The following ROBO1 variants were observed in gnomAD, a reference collection of about 807,000 sequenced individuals.
ROBO1 encodes the protein roundabout guidance receptor 1.
Under a neutral mutation model 195.9 loss-of-function variants are expected in ROBO1, and 149 were observed. The observed-to-expected ratio is 0.76, with a 90% CI of 0.67 to 0.87. The LOEUF (loss-of-function observed/expected upper bound fraction) is 0.87, where lower values mean the gene tolerates loss of function less well. ROBO1 is among the 40% of genes least tolerant of loss of function. ROBO1 has a pLI of 0.00. For missense variants in ROBO1, 1,933 were observed against 2,068.3 expected (o/e 0.93, Z 1.27); for synonymous variants, 816 against 733.2 (o/e 1.11, Z -1.82).
At chr3:78,802,260 T>G (rs573274946) in intron 4 of ROBO1, among the ~76,000 whole-genome samples, 1 of 152,244 alleles carries the variant, frequency 6.6e-6, no homozygotes, top group East Asian at 1.9e-4. Flanking sequence ...CAAACTAATT[T>G]TACAATCTCT....
intron 1 of ROBO1, among the ~76,000 whole-genome samples, chr3:79,659,262 T>A (rs1946259472): frequency 6.6e-6 from 1 of 152,080 alleles, no homozygotes. Context: ...ATGAAATACA[T>A]TTTATCACAC....
chr3:79,342,789 C>T (rs2034960658), intron 2 of ROBO1, among the ~76,000 whole-genome samples: 1 of 152,078 alleles, frequency 6.6e-6, no homozygotes, highest in Non-Finnish European at 1.5e-5. Context: ...GTATAGCTTT[C>T]CCCAGTATCA....
At chr3:78,799,751 G>C (rs2084307409) in intron 4 of ROBO1, among the ~76,000 whole-genome samples, 2 of 152,054 alleles carry the variant, frequency 1.3e-5, no homozygotes, top group Admixed American at 6.6e-5. Flanking sequence ...TCTATGATTG[G>C]ATTATCATTT....
At position 79,530,848 on chromosome 3, in the gene ROBO1, T is replaced by C. The variant is rs184377078; in HGVS notation, c.88+58976A>G. ...AGTGTTCTTAGAATAAAGATGGAAGTCCCTTAAATGACTTACTTATAAGAC... is the reference window on the plus strand; with the variant it reads ...AGTGTTCTTAGAATAAAGATGGAAGCCCCTTAAATGACTTACTTATAAGAC... On this transcript the variant is annotated intron_variant, in intron 2 of 30. Transcript: ENST00000464233. 2.0e-3 allele frequency among the ~76,000 whole-genome samples: 303 copies of C among 148,520 alleles called. 4 individuals are homozygous for C. Among genetic ancestry groups the C allele is most frequent in the Admixed American group, 0.018 (271 of 14,876 alleles).
chr3:78,896,571 C>T (rs2037242578), intron 4 of ROBO1, among the ~76,000 whole-genome samples: 1 of 145,230 alleles, frequency 6.9e-6, no homozygotes, highest in Non-Finnish European at 1.5e-5. Flanking sequence ...CCTATAAGAA[C>T]TAACGATAAT....
intron 3 of ROBO1, among the ~76,000 whole-genome samples, chr3:78,992,670 A>G (rs916832436): frequency 1.3e-5 from 2 of 152,200 alleles, no homozygotes; most frequent in Non-Finnish European, 2.9e-5. Context: ...TTTAAACAGA[A>G]TACAAATACC....
intron 1 of ROBO1, among the ~76,000 whole-genome samples, chr3:79,727,956 C>T (rs1452464940): frequency 6.6e-6 from 1 of 152,034 alleles, no homozygotes; most frequent in Non-Finnish European, 1.5e-5. Flanking sequence ...TTATTTTAAA[C>T]ATATTTTTAA....
chr3:79,551,834 A>G (rs574246997), intron 2 of ROBO1, among the ~76,000 whole-genome samples: 5 of 152,118 alleles, frequency 3.3e-5, no homozygotes, highest in East Asian at 1.9e-4. Flanking sequence ...CTTCAGGCAC[A>G]TAAGGTAGAA....
chr3:78,777,834 C>G (rs1269382066), intron 4 of ROBO1, among the ~76,000 whole-genome samples: 1 of 152,122 alleles, frequency 6.6e-6, no homozygotes, highest in Non-Finnish European at 1.5e-5. Context: ...ATTTCTTTCT[C>G]TTGCCTGATT....
At chr3:78,608,610 G>A (rs1326356293) in intron 28 of ROBO1, among the ~76,000 whole-genome samples, 1 of 152,116 alleles carries the variant, frequency 6.6e-6, no homozygotes, top group Non-Finnish European at 1.5e-5. Context: ...GCTGCAGTAT[G>A]GGGAATGTAT....
intron 2 of ROBO1, among the ~76,000 whole-genome samples, chr3:79,563,350 C>T (rs1014075863): frequency 1.3e-5 from 2 of 151,948 alleles, no homozygotes; most frequent in African/African-American, 4.8e-5. Flanking sequence ...TCAGAAACAC[C>T]CCATAAAAGC....
At chr3:79,346,426 A>ATGTC (rs2035122835) in intron 2 of ROBO1, among the ~76,000 whole-genome samples, 1 of 152,160 alleles carries the variant, frequency 6.6e-6, no homozygotes, top group South Asian at 2.1e-4. Flanking sequence ...TTGTAGAATT[A>ATGTC]TGTCTGTCTT....
At chr3:79,509,726 C>T (rs1389042993) in intron 2 of ROBO1, among the ~76,000 whole-genome samples, 1 of 152,140 alleles carries the variant, frequency 6.6e-6, no homozygotes, top group Admixed American at 6.6e-5. Context: ...AAAGGTACTG[C>T]AGCTTCATGA....
chr3:79,638,565 C>A (rs1452946895), intron 1 of ROBO1, among the ~76,000 whole-genome samples: 1 of 152,030 alleles, frequency 6.6e-6, no homozygotes, highest in African/African-American at 2.4e-5. Flanking sequence ...CAGACGTGAG[C>A]CACCGTGCCC....
rs200221363 is a variant in ROBO1, at chr3:78,806,145, A to AT, written c.500-59246dup. On this transcript the variant is annotated intron_variant, in intron 4 of 30. Coordinates refer to ENST00000464233, the MANE Select transcript of ROBO1 (RefSeq NM_002941.4). Reference sequence around the variant, plus strand: ...CAGCTAATTTTTAGTTTTAAGTTTTATTTTTTTTTTAAGAGACAGGGTCTC... The same window carrying AT: ...CAGCTAATTTTTAGTTTTAAGTTTTATTTTTTTTTTTAAGAGACAGGGTCTC... Among the ~76,000 whole-genome samples, 135 of 148,942 alleles carry AT rather than the reference A, an allele frequency of 9.1e-4. No homozygotes were observed. In the Middle Eastern group the frequency reaches 0.01, roughly 11 times the overall value.
intron 3 of ROBO1, among the ~76,000 whole-genome samples, chr3:79,073,987 A>G (rs1421851868): frequency 6.6e-6 from 1 of 151,614 alleles, no homozygotes; most frequent in Non-Finnish European, 1.5e-5. Flanking sequence ...TGAATGCAAA[A>G]GAGTTCTGTG....
chr3:79,673,367 C>T (rs1161246458), intron 1 of ROBO1, among the ~76,000 whole-genome samples: 3 of 151,608 alleles, frequency 2.0e-5, no homozygotes, highest in African/African-American at 7.3e-5. Flanking sequence ...AGATCGTAAC[C>T]AGTAAACAAA....
chr3:78,902,325 T>C (rs961570865), intron 4 of ROBO1, among the ~76,000 whole-genome samples: 1 of 152,174 alleles, frequency 6.6e-6, no homozygotes, highest in Non-Finnish European at 1.5e-5. Flanking sequence ...CAAAGGATTC[T>C]CTTATCATAT....
rs1946910188 is a variant in ROBO1 at position 79,680,424 on chromosome 3, A to G, written c.-51+87328T>C. On this transcript the variant is annotated intron_variant, in intron 1 of 30. Transcript: ENST00000464233. ...ATGAAAATTTTCTGATTACTTCATG[A>G]GAAAGAATTATCATCTGAGTGAAGA... Among the ~76,000 whole-genome samples, 3 of 152,078 alleles carry G rather than the reference A, an allele frequency of 2.0e-5. No homozygotes were observed. In the South Asian group the frequency reaches 6.2e-4, roughly 31 times the overall value.
Sources: allele counts gnomAD v4.1 joint callset (sites outside exome capture counted in the v4.1 genomes callset), GRCh38; gene constraint gnomAD v4.1.1; transcripts MANE v1.5; gene names NCBI Gene and HGNC (gene_info 2026-07-23, HGNC 2026-07-21).